The following TSC1 variants were observed in gnomAD, a reference collection of about 807,000 sequenced individuals.
TSC1 encodes hamartin.
Under a neutral mutation model 124.3 loss-of-function variants are expected in TSC1, and 20 were observed. That is an observed-to-expected ratio of 0.16 (90% confidence interval 0.11 to 0.23). The LOEUF (loss-of-function observed/expected upper bound fraction) is 0.23, where lower values mean the gene tolerates loss of function less well. Among genes scored for constraint, TSC1 ranks in the 10% least tolerant of loss-of-function variants. The pLI is 1.00. For missense variants in TSC1, 1,124 were observed against 1,448.5 expected, an observed-to-expected ratio of 0.78 and a Z score of 3.64; for synonymous variants, 493 against 539.1, an observed-to-expected ratio of 0.91 and a Z score of 1.19.
intron 1 of TSC1, among the ~76,000 whole-genome samples, chr9:132,942,781 A>C (rs1185741825): frequency 6.6e-6 from 1 of 152,224 alleles, no homozygotes; most frequent in African/African-American, 2.4e-5. Context: ...TAACTTTAGT[A>C]AGAGGATATT....
intron 18 of TSC1, 73 bp from the exon 19 acceptor site, chr9:132,901,772 G>A: frequency 7.3e-7 from 1 of 1,365,624 alleles, no homozygotes; most frequent in Non-Finnish European, 1.0e-6. Context: ...CTAGCCACCA[G>A]CCCACAGAGG....
intron 2 of TSC1, among the ~76,000 whole-genome samples, chr9:132,934,755 G>A (rs1847369659): frequency 1.3e-5 from 2 of 152,220 alleles, no homozygotes. Flanking sequence ...TAGGAAAATT[G>A]ACATGTTTGA....
intron 19 of TSC1, 127 bp from the exon 20 acceptor site, chr9:132,900,964 G>A (rs1020244817): frequency 5.9e-6 from 8 of 1,357,870 alleles, no homozygotes; most frequent in Middle Eastern, 1.8e-4. Context: ...CAGTCCCATG[G>A]GTTCACAGTC....
chr9:132,906,216 G>T lies in TSC1; in HGVS notation c.1439-77C>A. ...AAAGACTAGGCAGTTTGGGTGGCAT[G>T]CTGCCACATGCCAGTGTCACTCAGA... On this transcript the variant is annotated intron_variant, in intron 14 of 22. Transcript: ENST00000298552. This position sits in a 1 kb window ranked among gnomAD's most constrained non-coding sequence, Gnocchi z 4.1. 1.4e-6 allele frequency: 2 copies of T among 1,450,986 alleles called. No individual in the cohort carries two copies. Among genetic ancestry groups the T allele is most frequent in the Non-Finnish European group, 1.9e-6 (2 of 1,053,752 alleles). 89.9% of individuals were successfully genotyped at this position (1,450,986 alleles called of 1,614,324 possible). A position where few individuals can be genotyped will look rare whatever the true frequency, so the allele number is the denominator to read the frequency against.
chr9:132,920,006 A>G (rs1846460660), intron 8 of TSC1, among the ~76,000 whole-genome samples: 1 of 152,252 alleles, frequency 6.6e-6, no homozygotes, highest in Non-Finnish European at 1.5e-5. Flanking sequence ...GAGAGCTGAA[A>G]GCAGGCGCAG....
intron 1 of TSC1, among the ~76,000 whole-genome samples, chr9:132,939,727 C>T (rs1441601190): frequency 1.3e-5 from 2 of 152,184 alleles, no homozygotes; most frequent in Non-Finnish European, 2.9e-5. Flanking sequence ...TGTGAGATAT[C>T]TTTAGGTTTC....
In TSC1 at chr9:132,923,975, G is replaced by A. The variant is rs1466368546; in HGVS notation, c.364-483C>T. ...TATTTTTTAAAGAACTACAACAGAA[G>A]TATAATTGAAGGAGAAATTCATATA... On this transcript the variant is annotated intron_variant, in intron 5 of 22. Coordinates refer to ENST00000298552, the MANE Select transcript of TSC1 (RefSeq NM_000368.5). The surrounding 1 kb of genome is among the most constrained non-coding windows in gnomAD (Gnocchi z 4.2). Among the ~76,000 whole-genome samples the A allele has an allele frequency of 6.7e-6, 1 of 150,260 alleles. No individual in the cohort carries two copies. The highest frequency in any genetic ancestry group is 2.4e-5 in the African/African-American group (1 of 40,966).
chr9:132,900,594 A>C (rs1317162415), intron 20 of TSC1, 121 bp downstream of exon 20: 3 of 1,515,302 alleles, frequency 2.0e-6, no homozygotes, highest in Admixed American at 1.7e-5. Flanking sequence ...GAGTAGTGGG[A>C]CTGCCGCTCC....
chr9:132,903,912 T>C lies in TSC1; in HGVS notation c.2042-95A>G. The C allele has an allele frequency of 6.8e-7, 1 of 1,467,806 alleles. No homozygotes were observed. Among genetic ancestry groups the C allele is most frequent in the Admixed American group, 1.8e-5 (1 of 57,048 alleles). 90.9% of individuals were successfully genotyped at this position (1,467,806 alleles called of 1,614,324 possible). A position where few individuals can be genotyped will look rare whatever the true frequency, so the allele number is the denominator to read the frequency against. On this transcript the variant is annotated intron_variant, in intron 16 of 22. Transcript: ENST00000298552. The surrounding 1 kb of genome is among the most constrained non-coding windows in gnomAD (Gnocchi z 5.9). ...TGTGTTGTTAGCTTAACAAACACAA[T>C]TCTTTAAAAACAAATCACCACTCTC...
rs1845019579 is a variant in TSC1 at position 132,896,184 on chromosome 9, T to A, written c.*51A>T. 1 of 1,613,026 alleles carries A rather than the reference T, an allele frequency of 6.2e-7. No homozygotes were observed. The highest frequency in any genetic ancestry group is 8.5e-7 in the Non-Finnish European group (1 of 1,179,458). Reference sequence around the variant, plus strand: ...AAGCTTTGAAACGTGCATTCACACCTCCTGTTCTGTGCCAACAATATGCAA... The same window carrying A: ...AAGCTTTGAAACGTGCATTCACACCACCTGTTCTGTGCCAACAATATGCAA... On this transcript the variant is annotated 3_prime_UTR_variant, in exon 23 of 23. Transcript: ENST00000298552. The surrounding 1 kb of genome is among the most constrained non-coding windows in gnomAD (Gnocchi z 4.5).
chr9:132,917,022 G>C (rs558636750), intron 8 of TSC1, among the ~76,000 whole-genome samples: 1 of 152,310 alleles, frequency 6.6e-6, no homozygotes, highest in Non-Finnish European at 1.5e-5. Flanking sequence ...TCTCATATTT[G>C]ATAGACAAGT....
At chr9:132,929,041 G>T in intron 2 of TSC1, 89 bp from the exon 3 acceptor site, 1 of 1,173,612 alleles carries the variant, frequency 8.5e-7, no homozygotes. Context: ...TAATGCACGT[G>T]TTCAATGCAA....
chr9:132,910,157 C>A, intron 12 of TSC1: 1 of 298,966 alleles, frequency 3.3e-6, no homozygotes, highest in Non-Finnish European at 6.2e-6. Context: ...AAAACTTAGC[C>A]AGGCATCATG....
At position 132,905,653 on chromosome 9, in the gene TSC1, G is replaced by T. The variant is rs1845610761; in HGVS notation, c.1925C>A (p.Ser642Tyr). 1 of 1,614,226 alleles carries T rather than the reference G, an allele frequency of 6.2e-7. No homozygotes were observed. The highest frequency in any genetic ancestry group is 8.5e-7 in the Non-Finnish European group (1 of 1,180,036). The change falls in exon 15 of 23, where the codon TCT becomes TAT. Residue 642 changes from serine to tyrosine, a missense_variant. Physicochemically the swap from Ser to Tyr is moderately radical, Grantham distance 144. Coordinates refer to ENST00000298552, the MANE Select transcript of TSC1 (RefSeq NM_000368.5). ...GTCCAGCACTTCCATTGGGGAGGTA[G>T]AGGGCACACCATCTTCCTCTGTGTT... Reference protein sequence around the residue: ...KGNTEEDGVPSTSPMEVLDRL... With the variant: ...KGNTEEDGVPYTSPMEVLDRL...
At position 132,923,726 on chromosome 9, in the gene TSC1, C is replaced by T. The variant is rs933179142; in HGVS notation, c.364-234G>A. 1 of 574,774 alleles carries T rather than the reference C, an allele frequency of 1.7e-6. No individual in the cohort carries two copies. The highest frequency in any genetic ancestry group is 1.9e-5 in the African/African-American group (1 of 53,512). The allele number at this position is 574,774 out of a possible 1,614,324, so 35.6% of individuals were successfully genotyped here. On this transcript the variant is annotated intron_variant, in intron 5 of 22. Transcript: ENST00000298552. The surrounding 1 kb of genome is among the most constrained non-coding windows in gnomAD (Gnocchi z 4.2). ...GTCAGTGAGGACCATTTACAACACA[C>T]CTATGCAAAGGCATCCGGGAGACGA...
Position 132,913,844 on chromosome 9 carries a change from A to AAAAAAAAAAAC in TSC1, c.738-1388_738-1387insGTTTTTTTTTT, listed in dbSNP as rs1442186263. On this transcript the variant is annotated intron_variant, in intron 8 of 22. Transcript: ENST00000298552. The stretch of plus-strand genomic sequence containing the variant: ...CCGTCTCAAAAAAAAAAAAAAAAAA[A>AAAAAAAAAAAC]AAGTGAGCCAATGTGCCAGCCTCCC... 2.4e-4 allele frequency among the ~76,000 whole-genome samples: 36 copies of AAAAAAAAAAAC among 149,472 alleles called. 1 individual carries two copies. The highest frequency in any genetic ancestry group is 8.8e-4 in the African/African-American group (36 of 40,840).
chr9:132,922,053 G>A lies in TSC1; in HGVS notation c.509-80C>T, dbSNP rs909816999. 7 of 1,568,938 alleles carry A rather than the reference G, an allele frequency of 4.5e-6. No homozygotes were observed. The East Asian group carries it at 6.7e-5, about 15-fold the overall frequency. On this transcript the variant is annotated intron_variant, in intron 6 of 22. Transcript: ENST00000298552. ...GCAAAACAGCTATAAACAAGTGGCT[G>A]CCAGCAGGACTTTTTATCTATGTAT... is the stretch of plus-strand genomic sequence containing the variant.
rs114415181 is a variant in TSC1 at position 132,893,817 on chromosome 9, C to G, written c.*2418G>C. On this transcript the variant is annotated 3_prime_UTR_variant, in exon 23 of 23. Coordinates refer to ENST00000298552, the MANE Select transcript of TSC1 (RefSeq NM_000368.5). ...CTTTGCCCAGGACTGAATTGCCTCTCGAGAGTAATACTGTCACCTTTCCAT... is the reference window on the plus strand; with the variant it reads ...CTTTGCCCAGGACTGAATTGCCTCTGGAGAGTAATACTGTCACCTTTCCAT... 1 of 233,184 alleles carries G rather than the reference C, an allele frequency of 4.3e-6. No individual in the cohort carries two copies. Among genetic ancestry groups the G allele is most frequent in the Non-Finnish European group, 8.5e-6 (1 of 118,082 alleles). The allele number at this position is 233,184 out of a possible 1,614,324, so 14.4% of individuals were successfully genotyped here.
chr9:132,927,225 G>A lies in TSC1; in HGVS notation c.186C>T (p.Thr62=), dbSNP rs1554820640. The stretch of plus-strand genomic sequence containing the variant: ...CCTTGTCATGTGGCTCTTGCAAGGT[G>A]GTCAGGATGTGCAATGCCGGCTGAG... The part of the protein sequence containing the change: ...TSSQPALHIL[T]TLQEPHDKHL... The change falls in exon 4 of 23, where the codon ACC becomes ACT. Residue 62 remains threonine (T), a synonymous_variant. Transcript: ENST00000298552. The A allele has an allele frequency of 2.5e-6, 4 of 1,613,840 alleles. No individual in the cohort carries two copies. Among genetic ancestry groups the A allele is most frequent in the Admixed American group, 1.7e-5 (1 of 59,998 alleles).
Sources: gnomAD v4.1 joint callset for allele counts (sites outside exome capture counted in the v4.1 genomes callset) on GRCh38, gnomAD v4.1.1 for gene constraint, Gnocchi (gnomAD v3.1) non-coding constraint, MANE v1.5 for transcripts, NCBI Gene and HGNC (gene_info 2026-07-23, HGNC 2026-07-21) for gene names.